Variants in ERBB4 observed in about 807,000 individuals in gnomAD.
ERBB4 encodes the protein receptor tyrosine-protein kinase erbB-4.
Under a neutral mutation model 158.0 loss-of-function variants are expected in ERBB4, and 42 were observed. The ratio of observed to expected loss-of-function variants is 0.27; its 90% CI spans 0.21 to 0.34. ERBB4 has a LOEUF of 0.34. Ranked by LOEUF, ERBB4 falls within the 10% of genes least tolerant of loss-of-function variation. The pLI is 1.00. For missense variants in ERBB4, 1,333 were observed against 1,624.1 expected, an observed-to-expected ratio of 0.82 and a Z score of 3.08; for synonymous variants, 583 against 558.7, an observed-to-expected ratio of 1.04 and a Z score of -0.61.
intron 20 of ERBB4, among the ~76,000 whole-genome samples, chr2:211,434,083 T>A (rs2125438512): frequency 6.6e-6 from 1 of 152,294 alleles, no homozygotes; most frequent in African/African-American, 2.4e-5. Context: ...CTGAGAACAA[T>A]TTTGTTTTTA....
At chr2:212,244,653 T>C (rs1241419846) in intron 1 of ERBB4, among the ~76,000 whole-genome samples, 1 of 152,172 alleles carries the variant, frequency 6.6e-6, no homozygotes, top group Non-Finnish European at 1.5e-5. Context: ...TCAAACTTTA[T>C]CATTTCCCTC....
chr2:211,910,521 T>C (rs995357950), intron 3 of ERBB4, among the ~76,000 whole-genome samples: 1 of 150,976 alleles, frequency 6.6e-6, no homozygotes, highest in Non-Finnish European at 1.5e-5. Flanking sequence ...GGGAGATAAA[T>C]AATGAGAACA....
At chr2:212,041,955 T>C (rs956621314) in intron 2 of ERBB4, among the ~76,000 whole-genome samples, 8 of 152,080 alleles carry the variant, frequency 5.3e-5, no homozygotes, top group Non-Finnish European at 1.2e-4. Context: ...AACATTATAA[T>C]ACCGTATAAT....
intron 17 of ERBB4, 108 bp from the exon 18 acceptor site, chr2:211,624,152 A>G (rs2069746930): frequency 1.4e-6 from 2 of 1,409,282 alleles, no homozygotes; most frequent in Admixed American, 3.6e-5. Flanking sequence ...AAAGAAAAAC[A>G]CACCAACTTG....
intron 1 of ERBB4, among the ~76,000 whole-genome samples, chr2:212,462,365 A>C (rs1197631108): frequency 1.3e-5 from 2 of 152,190 alleles, no homozygotes; most frequent in Non-Finnish European, 2.9e-5. Flanking sequence ...TCTGTCAGGG[A>C]CTAATATGCA....
chr2:211,724,934 T>C (rs2074218744), intron 6 of ERBB4, 142 bp downstream of exon 6: 1 of 710,386 alleles, frequency 1.4e-6, no homozygotes, highest in African/African-American at 1.7e-5. Flanking sequence ...AGGGAATGAC[T>C]TTGAGGAGGG....
intron 1 of ERBB4, among the ~76,000 whole-genome samples, chr2:212,318,606 AT>A (rs374737044): frequency 5.3e-5 from 8 of 151,706 alleles, no homozygotes; most frequent in Non-Finnish European, 8.9e-5. Context: ...TATCTAGAAC[AT>A]TTTACCAGCT....
chr2:211,712,175 A>G lies in ERBB4; in HGVS notation c.999T>C (p.Ala333=), dbSNP rs776955889. The change falls in exon 9 of 28, where the codon GCT becomes GCC. Residue 333 remains alanine, a splice_region_variant and synonymous_variant. Coordinates refer to ENST00000342788, the MANE Select transcript of ERBB4 (RefSeq NM_005235.3). ...CKPCTDICPK[A]CDGIGTGSLM... ...ATGATCCTGTGCCAATGCCATCACA[A>G]GCTGTAGAAACAAGACTCAGAGTTA... is the stretch of plus-strand genomic sequence containing the variant. 2.5e-6 allele frequency: 4 copies of G among 1,613,344 alleles called. No homozygotes were observed. Among genetic ancestry groups the G allele is most frequent in the Non-Finnish European group, 3.4e-6 (4 of 1,179,466 alleles).
chr2:212,308,732 T>C (rs538410116), intron 1 of ERBB4, among the ~76,000 whole-genome samples: 7 of 151,110 alleles, frequency 4.6e-5, no homozygotes, highest in South Asian at 2.1e-4. Flanking sequence ...AACCCAGGCA[T>C]GTATTTCCTT....
At position 211,944,133 on chromosome 2, in the gene ERBB4, G is replaced by A. The variant is rs1486051741; in HGVS notation, c.421+3297C>T. ...CTATATATATATACACACTATATATGTACACTATACATATACACTATATAT... is the reference window on the plus strand; with the variant it reads ...CTATATATATATACACACTATATATATACACTATACATATACACTATATAT... On this transcript the variant is annotated intron_variant, in intron 3 of 27. Transcript: ENST00000342788. Among the ~76,000 whole-genome samples the A allele has an allele frequency of 8.5e-3, 876 of 102,610 alleles. 9 individuals carry two copies. The highest frequency in any genetic ancestry group is 0.026 in the African/African-American group (680 of 25,700). The allele number at this position is 102,610 out of a possible 152,430, so 67.3% of individuals were successfully genotyped here. A position where few individuals can be genotyped will look rare whatever the true frequency, so the allele number is the denominator to read the frequency against.
intron 3 of ERBB4, among the ~76,000 whole-genome samples, chr2:211,817,823 G>T (rs903565906): frequency 2.0e-5 from 3 of 152,008 alleles, no homozygotes; most frequent in African/African-American, 7.3e-5. Flanking sequence ...ATCTTCAATT[G>T]TACACATGAC....
At chr2:211,600,063 A>G (rs947546085) in intron 19 of ERBB4, among the ~76,000 whole-genome samples, 2 of 152,240 alleles carry the variant, frequency 1.3e-5, no homozygotes, top group Non-Finnish European at 2.9e-5. Flanking sequence ...GCTGTTCATT[A>G]TAAGGGAAGC....
intron 1 of ERBB4, among the ~76,000 whole-genome samples, chr2:212,437,075 G>A (rs1196029370): frequency 6.6e-6 from 1 of 152,004 alleles, no homozygotes; most frequent in African/African-American, 2.4e-5. Context: ...TCAGGGCAAG[G>A]TAAATTATCT....
At chr2:212,010,635 G>T (rs188378496) in intron 2 of ERBB4, among the ~76,000 whole-genome samples, 1 of 152,122 alleles carries the variant, frequency 6.6e-6, no homozygotes, top group Non-Finnish European at 1.5e-5. Context: ...AGTAGTGCAC[G>T]TATTGTCTTA....
intron 19 of ERBB4, among the ~76,000 whole-genome samples, chr2:211,607,038 C>G (rs2069008355): frequency 6.6e-6 from 1 of 152,048 alleles, no homozygotes; most frequent in African/African-American, 2.4e-5. Context: ...TTATACTAGA[C>G]ATATTCCTGA....
chr2:211,798,170 A>C (rs1281868248), intron 3 of ERBB4, among the ~76,000 whole-genome samples: 1 of 152,064 alleles, frequency 6.6e-6, no homozygotes, highest in Non-Finnish European at 1.5e-5. Flanking sequence ...AGAAGTCAGC[A>C]TAGAAAGTCA....
intron 1 of ERBB4, among the ~76,000 whole-genome samples, chr2:212,209,854 T>C (rs1379609695): frequency 6.6e-6 from 1 of 152,126 alleles, no homozygotes; most frequent in Non-Finnish European, 1.5e-5. Flanking sequence ...ATGTATGTTG[T>C]TTCCCATCCA....
intron 1 of ERBB4, among the ~76,000 whole-genome samples, chr2:212,200,166 A>AT (rs1195005203): frequency 6.6e-6 from 1 of 152,188 alleles, no homozygotes; most frequent in Non-Finnish European, 1.5e-5. Flanking sequence ...TCCAGACAAC[A>AT]TAAAATAGGA....
intron 1 of ERBB4, among the ~76,000 whole-genome samples, chr2:212,530,040 A>G (rs555141819): frequency 1.3e-5 from 2 of 152,300 alleles, no homozygotes; most frequent in African/African-American, 4.8e-5. Flanking sequence ...GGCTTTGAAC[A>G]TTACAAGAGG....
Sources: allele counts gnomAD v4.1 joint callset (sites outside exome capture counted in the v4.1 genomes callset), GRCh38; gene constraint gnomAD v4.1.1; transcripts MANE v1.5; gene names NCBI Gene and HGNC (gene_info 2026-07-23, HGNC 2026-07-21).